The following MTMR10 variants were observed in gnomAD, a reference collection of about 807,000 sequenced individuals.
The protein encoded by MTMR10 is myotubularin related protein 10, also known as myotubularin-related protein 10.
MTMR10 carries 56 observed loss-of-function variants against 88.1 expected under a neutral mutation model. That is an observed-to-expected ratio of 0.64 (90% CI 0.51 to 0.79). The LOEUF is 0.79. Ranked by LOEUF, MTMR10 falls within the 30% of genes least tolerant of loss-of-function variation. The pLI is 0.00. For synonymous variants in MTMR10, 380 were observed against 340.9 expected (o/e 1.11, Z -1.26); for missense variants, 883 against 924.7 (o/e 0.95, Z 0.58).
intron 6 of MTMR10, chr15:30,966,043 G>A: frequency 2.2e-6 from 1 of 455,504 alleles, no homozygotes; most frequent in Non-Finnish European, 4.4e-6. Flanking sequence ...TTATGCTTCT[G>A]TAACAGCATG....
At chr15:30,921,512 A>AAT in the MTMR10 span, among the ~76,000 whole-genome samples, 4 of 152,194 alleles carry the variant, frequency 2.6e-5, no homozygotes, top group South Asian at 2.1e-4. Context: ...CATGGTCAAA[A>AAT]ATATATATAT....
chr15:30,954,998 G>T, intron 9 of MTMR10, 105 bp from the exon 10 acceptor site: 1 of 963,016 alleles, frequency 1.0e-6, no homozygotes, highest in Non-Finnish European at 1.4e-6. Context: ...AGACAGGTAA[G>T]GTCTCTGCCT....
At chr15:30,942,543 A>G in intron 15 of MTMR10, 1 of 314,890 alleles carries the variant, frequency 3.2e-6, no homozygotes. Flanking sequence ...TATTAGGACA[A>G]GAATATAGCA....
chr15:30,956,358 G>C (rs1428244685), intron 9 of MTMR10: 1 of 152,224 alleles, frequency 6.6e-6, no homozygotes. Context: ...CAAGTGGGGG[G>C]TTGACATTCT....
chr15:30,984,024 A>G (rs2141067334), intron 2 of MTMR10, among the ~76,000 whole-genome samples: 1 of 152,310 alleles, frequency 6.6e-6, no homozygotes, highest in East Asian at 1.9e-4. Context: ...AATGTGTGAT[A>G]ATAACAGTAA....
At chr15:30,967,167 C>G (rs187379018) in intron 6 of MTMR10, among the ~76,000 whole-genome samples, 1 of 152,224 alleles carries the variant, frequency 6.6e-6, no homozygotes, top group African/African-American at 2.4e-5. Flanking sequence ...AATAAAAGAA[C>G]ACAGGCTTCG....
chr15:30,954,190 C>T (rs2063289267), intron 10 of MTMR10, among the ~76,000 whole-genome samples: 1 of 152,196 alleles, frequency 6.6e-6, no homozygotes, highest in African/African-American at 2.4e-5. Flanking sequence ...AGGCCCTCCC[C>T]CAGGGAAGTG....
At chr15:30,987,943 G>A (rs948758873) in intron 2 of MTMR10, among the ~76,000 whole-genome samples, 6 of 144,128 alleles carry the variant, frequency 4.2e-5, no homozygotes, top group African/African-American at 1.6e-4. Flanking sequence ...AATAACTTCT[G>A]CATCCCTGTA....
At chr15:30,927,155 G>A in the MTMR10 span, 3 of 937,750 alleles carry the variant, frequency 3.2e-6, no homozygotes, top group Non-Finnish European at 3.8e-6. Context: ...GCTGCAGTGA[G>A]CCAAGATTGT....
chr15:30,950,611 A>G (rs748292156), intron 12 of MTMR10, among the ~76,000 whole-genome samples: 1 of 151,956 alleles, frequency 6.6e-6, no homozygotes, highest in African/African-American at 2.4e-5. Context: ...TGGAGGTTGC[A>G]GTGAGCTGAG....
downstream of MTMR10, among the ~76,000 whole-genome samples, chr15:30,936,655 ATTG>A (rs968584903): frequency 1.2e-4 from 10 of 84,926 alleles, no homozygotes; most frequent in South Asian, 4.8e-4. Context: ...AACTGAAAAT[ATTG>A]TTAAGTTGAA....
chr15:30,934,951 C>CA (rs1178692549), downstream of MTMR10, among the ~76,000 whole-genome samples: 1 of 152,166 alleles, frequency 6.6e-6, no homozygotes, highest in African/African-American at 2.4e-5. Context: ...TGTATTTACT[C>CA]ATGTACATAG....
chr15:30,932,299 T>C, the MTMR10 span, among the ~76,000 whole-genome samples: 23 of 151,246 alleles, frequency 1.5e-4, no homozygotes, highest in East Asian at 3.9e-4. Context: ...CTGAGAGGAA[T>C]TGGTATCTTA....
intron 2 of MTMR10, among the ~76,000 whole-genome samples, chr15:30,977,267 A>C (rs572688556): frequency 6.6e-4 from 100 of 152,122 alleles, no homozygotes; most frequent in Non-Finnish European, 1.4e-3. Context: ...GACTTTCTGG[A>C]GAAGAAATAA....
intron 10 of MTMR10, 50 bp downstream of exon 10, chr15:30,954,713 C>T (rs931170821): frequency 3.4e-6 from 5 of 1,472,964 alleles, no homozygotes; most frequent in Non-Finnish European, 4.5e-6. Context: ...ACATCTCATG[C>T]AACTCTGTAT....
At chr15:30,928,763 G>A in the MTMR10 span, 20 of 1,550,916 alleles carry the variant, frequency 1.3e-5, no homozygotes, top group Admixed American at 1.0e-4. Flanking sequence ...TCTCTGTTAC[G>A]GTCCTTTGGG....
rs1437449588 is a variant in MTMR10, at chr15:30,953,553, A to C, written c.1136+9T>G. On this transcript the variant is annotated intron_variant, in intron 11 of 15. Transcript: ENST00000435680. Reference sequence around the variant, plus strand: ...AAGTTAAAGGAAAAGAAAGTAAAGAAGTACAAACCTTACATATTCTAACCA... The same window carrying C: ...AAGTTAAAGGAAAAGAAAGTAAAGACGTACAAACCTTACATATTCTAACCA... 6.6e-7 allele frequency: 1 copy of C among 1,521,912 alleles called. No individual in the cohort carries two copies. The highest frequency in any genetic ancestry group is 8.9e-7 in the Non-Finnish European group (1 of 1,125,698). 94.3% of individuals were successfully genotyped at this position (1,521,912 alleles called of 1,614,324 possible).
rs2063025989 is a variant in MTMR10 at position 30,940,960 on chromosome 15, AATC to A, written c.*507_*509del. On this transcript the variant is annotated 3_prime_UTR_variant, in exon 16 of 16. Coordinates refer to ENST00000435680, the MANE Select transcript of MTMR10 (RefSeq NM_017762.3). Reference sequence around the variant, plus strand: ...TAAGGTTCCAAAGAAGGTGATCTAAAATCATAAATTCTGGCCCCAGAACACTGA... The same window carrying A: ...TAAGGTTCCAAAGAAGGTGATCTAAAATAAATTCTGGCCCCAGAACACTGA... 9.1e-7 allele frequency: 1 copy of A among 1,095,584 alleles called. No homozygotes were observed. Among genetic ancestry groups the A allele is most frequent in the African/African-American group, 1.7e-5 (1 of 59,468 alleles). The allele number at this position is 1,095,584 out of a possible 1,614,324, so 67.9% of individuals were successfully genotyped here.
intron 5 of MTMR10, among the ~76,000 whole-genome samples, chr15:30,969,395 AAC>A (rs1317311712): frequency 6.6e-6 from 1 of 152,128 alleles, no homozygotes; most frequent in Non-Finnish European, 1.5e-5. Flanking sequence ...TAATCTTTTT[AAC>A]AGTTTTCCTT....
Sources: allele counts gnomAD v4.1 joint callset (sites outside exome capture counted in the v4.1 genomes callset), GRCh38; gene constraint gnomAD v4.1.1; transcripts MANE v1.5; gene names NCBI Gene and HGNC (gene_info 2026-07-23, HGNC 2026-07-21).